The following TAS2R1 variants were observed in gnomAD, a reference collection of about 807,000 sequenced individuals.
The protein encoded by TAS2R1 is taste 2 receptor member 1, also known as taste receptor type 2 member 1.
For missense variants in TAS2R1, 370 were observed against 353.4 expected (o/e 1.05, Z -0.38); for synonymous variants, 141 against 134.2 (o/e 1.05, Z -0.35).
chr5:9,725,615 C>T, the TAS2R1 span, among the ~76,000 whole-genome samples: 1 of 152,196 alleles, frequency 6.6e-6, no homozygotes, highest in Non-Finnish European at 1.5e-5. Flanking sequence ...CCCCATCCGC[C>T]CCCGTGGGCT....
In TAS2R1 at chr5:9,628,286, G is replaced by A. The variant is rs147603430; in HGVS notation, c.*847C>T. Among the ~76,000 whole-genome samples, 1 of 152,228 alleles carries A rather than the reference G, an allele frequency of 6.6e-6. No homozygotes were observed. The highest frequency in any genetic ancestry group is 1.9e-4 in the East Asian group (1 of 5,182). On this transcript the variant is annotated 3_prime_UTR_variant, in exon 1 of 1. Transcript: ENST00000382492. Reference sequence around the variant, plus strand: ...TGATGTTGCTTCATTGGGAAGACAGGCAATGCAGGAGGAGTTCCAAATTAC... The same window carrying A: ...TGATGTTGCTTCATTGGGAAGACAGACAATGCAGGAGGAGTTCCAAATTAC...
At chr5:9,876,225 A>T in the TAS2R1 span, among the ~76,000 whole-genome samples, 1 of 151,544 alleles carries the variant, frequency 6.6e-6, no homozygotes, top group Non-Finnish European at 1.5e-5. Context: ...GGAGGAAAGG[A>T]CGACAAACCA....
the TAS2R1 span, among the ~76,000 whole-genome samples, chr5:9,831,339 T>C: frequency 2.6e-5 from 4 of 152,130 alleles, no homozygotes; most frequent in African/African-American, 4.8e-5. Flanking sequence ...CACAGGGCTA[T>C]GACTAGAAGC....
At chr5:9,873,687 T>C in the TAS2R1 span, among the ~76,000 whole-genome samples, 3 of 151,562 alleles carry the variant, frequency 2.0e-5, no homozygotes, top group African/African-American at 7.3e-5. Flanking sequence ...GGCAACATGG[T>C]GAAACCCCGT....
intron 2 of TAS2R1, among the ~76,000 whole-genome samples, chr5:9,650,891 G>A (rs1198255253): frequency 6.6e-6 from 1 of 152,128 alleles, no homozygotes. Context: ...GGCACATGGT[G>A]GGTGCTCACA....
the TAS2R1 span, among the ~76,000 whole-genome samples, chr5:9,899,134 T>C: frequency 2.0e-5 from 3 of 152,246 alleles, no homozygotes; most frequent in Non-Finnish European, 4.4e-5. Context: ...TACTAAAATA[T>C]TTTAGAGGAA....
intron 1 of TAS2R1, among the ~76,000 whole-genome samples, chr5:9,706,075 T>C (rs1444166073): frequency 6.6e-6 from 1 of 152,160 alleles, no homozygotes; most frequent in East Asian, 1.9e-4. Context: ...TAAGTTCTTT[T>C]AGAAATAAAT....
At chr5:9,875,672 T>C in the TAS2R1 span, among the ~76,000 whole-genome samples, 1 of 152,186 alleles carries the variant, frequency 6.6e-6, no homozygotes, top group Non-Finnish European at 1.5e-5. Flanking sequence ...CACAACTCAA[T>C]GGCTCAGATG....
At chr5:9,840,857 ATTTTTTTTTTTT>A in the TAS2R1 span, among the ~76,000 whole-genome samples, 31 of 132,094 alleles carry the variant, frequency 2.3e-4, no homozygotes, top group South Asian at 4.7e-4. Flanking sequence ...TTATTTATTT[ATTTTTTTTTTTT>A]TTTTTTTTTT....
chr5:9,633,313 T>TATATATATATATA (rs1254101852), upstream of TAS2R1, among the ~76,000 whole-genome samples: 42 of 129,016 alleles, frequency 3.3e-4, 2 homozygotes, highest in African/African-American at 1.3e-3. Context: ...TATATATATA[T>TATATATATATATA]ATATATACAC....
chr5:9,892,445 A>T, the TAS2R1 span, among the ~76,000 whole-genome samples: 1 of 152,074 alleles, frequency 6.6e-6, no homozygotes, highest in Admixed American at 6.5e-5. Context: ...AAGGCCAGTG[A>T]TTATTAGACT....
At chr5:9,742,291 G>A in the TAS2R1 span, among the ~76,000 whole-genome samples, 1 of 152,136 alleles carries the variant, frequency 6.6e-6, no homozygotes, top group Non-Finnish European at 1.5e-5. Context: ...TTCACCCACT[G>A]AGAATCAGCC....
At chr5:9,746,206 C>T in the TAS2R1 span, among the ~76,000 whole-genome samples, 3 of 152,136 alleles carry the variant, frequency 2.0e-5, no homozygotes, top group East Asian at 3.9e-4. Flanking sequence ...CAAATCAAAA[C>T]CACAATGAGA....
At chr5:9,753,731 G>A in the TAS2R1 span, among the ~76,000 whole-genome samples, 1 of 152,122 alleles carries the variant, frequency 6.6e-6, no homozygotes, top group Non-Finnish European at 1.5e-5. Flanking sequence ...TGTATAAGGT[G>A]TAAGGAAGGG....
the TAS2R1 span, among the ~76,000 whole-genome samples, chr5:9,768,120 C>T: frequency 2.0e-5 from 3 of 152,080 alleles, no homozygotes; most frequent in Admixed American, 6.5e-5. Context: ...GCCATCTGTC[C>T]ATCCTTACGT....
the TAS2R1 span, among the ~76,000 whole-genome samples, chr5:9,723,915 CTCTT>C: frequency 2.0e-3 from 308 of 152,328 alleles, 1 homozygote; most frequent in Non-Finnish European, 8.2e-4. Flanking sequence ...AGGCAGAGGG[CTCTT>C]TCTTTGTTCT....
At chr5:9,687,565 T>TA (rs201435086) in intron 1 of TAS2R1, among the ~76,000 whole-genome samples, 4,425 of 152,224 alleles carry the variant, frequency 0.029, 81 homozygotes, top group Middle Eastern at 0.051. Flanking sequence ...AAGTTTCCCT[T>TA]TCTGCCTGTA....
chr5:9,862,191 C>CTT, the TAS2R1 span, among the ~76,000 whole-genome samples: 2 of 104,374 alleles, frequency 1.9e-5, no homozygotes, highest in Non-Finnish European at 4.1e-5. Flanking sequence ...AATCAAGCAA[C>CTT]GTTAAGTTTA....
At chr5:9,731,951 C>A in the TAS2R1 span, among the ~76,000 whole-genome samples, 1 of 152,192 alleles carries the variant, frequency 6.6e-6, no homozygotes, top group East Asian at 1.9e-4. Flanking sequence ...GGAGTTTAAA[C>A]AATGAACCAG....
Sources: gnomAD v4.1 joint callset for allele counts (sites outside exome capture counted in the v4.1 genomes callset) on GRCh38, gnomAD v4.1.1 for gene constraint, MANE v1.5 for transcripts, NCBI Gene and HGNC (gene_info 2026-07-23, HGNC 2026-07-21) for gene names.